Variants in CNTN5 observed in about 807,000 individuals in gnomAD.
The protein encoded by CNTN5 is contactin 5, also known as contactin-5.
A neutral mutation model predicts 129.1 loss-of-function variants in CNTN5; 77 were observed. The ratio of observed to expected loss-of-function variants is 0.60; its 90% CI spans 0.50 to 0.72. CNTN5 has a LOEUF of 0.72. Among genes scored for constraint, CNTN5 ranks in the 30% least tolerant of loss-of-function variants. The pLI is 0.00. For missense variants in CNTN5, 1,478 were observed against 1,328.8 expected (o/e 1.11, Z -1.75); for synonymous variants, 509 against 465.6 (o/e 1.09, Z -1.20).
intron 3 of CNTN5, among the ~76,000 whole-genome samples, chr11:99,757,863 A>G (rs530515471): frequency 6.6e-6 from 1 of 152,210 alleles, no homozygotes; most frequent in African/African-American, 2.4e-5. Flanking sequence ...TAAAGTTTAG[A>G]AATGATATTT....
intron 6 of CNTN5, among the ~76,000 whole-genome samples, chr11:99,891,493 C>T (rs373499821): frequency 6.6e-6 from 1 of 152,000 alleles, no homozygotes; most frequent in East Asian, 1.9e-4. Flanking sequence ...CCCCCACCCC[C>T]CAACAGGCCC....
At chr11:99,032,612 T>C (rs1255690564) in intron 1 of CNTN5, among the ~76,000 whole-genome samples, 1 of 151,980 alleles carries the variant, frequency 6.6e-6, no homozygotes, top group Non-Finnish European at 1.5e-5. Flanking sequence ...TTTGATGGGG[T>C]TGTTTGTTTT....
intron 3 of CNTN5, among the ~76,000 whole-genome samples, chr11:99,750,286 T>C (rs1470001602): frequency 6.6e-6 from 1 of 152,194 alleles, no homozygotes; most frequent in Non-Finnish European, 1.5e-5. Flanking sequence ...AGATTTAATA[T>C]CTATCTTACC....
At chr11:99,540,552 T>G (rs896402302) in intron 2 of CNTN5, among the ~76,000 whole-genome samples, 2 of 151,962 alleles carry the variant, frequency 1.3e-5, no homozygotes, top group African/African-American at 4.8e-5. Context: ...CACAATAAAG[T>G]GTTAGATTAA....
At position 99,844,912 on chromosome 11, in the gene CNTN5, A is replaced by G. The variant is rs1256286853; in HGVS notation, c.338A>G (p.Asp113Gly). The change falls in exon 5 of 25, where the codon GAT becomes GGT. Residue 113 changes from aspartate to glycine, a missense_variant. Transcript: ENST00000524871. ...QEPDDIIFPT[D>G]SDEKKVALNC... ...CCAGATGATATTATTTTTCCAACTG[A>G]TTCTGATGAAAAGAAGGTAGCATTG... 2 of 1,613,668 alleles carry G rather than the reference A, an allele frequency of 1.2e-6. No individual in the cohort carries two copies. Among genetic ancestry groups the G allele is most frequent in the Admixed American group, 1.7e-5 (1 of 60,004 alleles).
At chr11:99,686,870 C>T (rs747086340) in intron 3 of CNTN5, among the ~76,000 whole-genome samples, 3 of 152,084 alleles carry the variant, frequency 2.0e-5, no homozygotes, top group Admixed American at 2.0e-4. Context: ...GAGATGTGAA[C>T]CTTTATTTTG....
At chr11:99,621,966 A>G (rs1234786668) in intron 3 of CNTN5, among the ~76,000 whole-genome samples, 1 of 152,176 alleles carries the variant, frequency 6.6e-6, no homozygotes, top group African/African-American at 2.4e-5. Context: ...AGCTGACTGA[A>G]TTCTCTAACA....
At chr11:99,790,249 G>A (rs1005630701) in intron 3 of CNTN5, among the ~76,000 whole-genome samples, 8 of 152,110 alleles carry the variant, frequency 5.3e-5, no homozygotes, top group Admixed American at 3.9e-4. Flanking sequence ...GTGTTTCATA[G>A]GAGTTTGGTT....
chr11:100,185,845 G>T (rs1485057140), intron 13 of CNTN5, among the ~76,000 whole-genome samples: 2 of 152,146 alleles, frequency 1.3e-5, no homozygotes, highest in African/African-American at 2.4e-5. Context: ...AAGACAGACA[G>T]CCCTTACCCA....
At chr11:100,292,378 A>G (rs1951007584) in intron 18 of CNTN5, among the ~76,000 whole-genome samples, 1 of 151,962 alleles carries the variant, frequency 6.6e-6, no homozygotes, top group South Asian at 2.1e-4. Context: ...ACCCTATTCA[A>G]ACCTATCTTC....
At chr11:99,601,745 T>C (rs1052356635) in intron 3 of CNTN5, among the ~76,000 whole-genome samples, 4 of 152,330 alleles carry the variant, frequency 2.6e-5, no homozygotes, top group Admixed American at 2.6e-4. Flanking sequence ...CCCAGTAGGA[T>C]ACTGGCTTCC....
intron 2 of CNTN5, among the ~76,000 whole-genome samples, chr11:99,403,396 A>C (rs1277396676): frequency 6.6e-6 from 1 of 151,530 alleles, no homozygotes; most frequent in East Asian, 1.9e-4. Context: ...TTCTTCTACA[A>C]ATTTTGGGTG....
chr11:99,345,611 G>C (rs529767706), intron 2 of CNTN5, among the ~76,000 whole-genome samples: 4 of 152,144 alleles, frequency 2.6e-5, no homozygotes, highest in African/African-American at 9.7e-5. Flanking sequence ...AATAGCTCAA[G>C]ATCAAGATTT....
chr11:99,574,568 C>G (rs1204120170), intron 3 of CNTN5, among the ~76,000 whole-genome samples: 1 of 152,198 alleles, frequency 6.6e-6, no homozygotes, highest in Non-Finnish European at 1.5e-5. Flanking sequence ...TCTCCAGCAT[C>G]TGGTGTTTCT....
intron 3 of CNTN5, among the ~76,000 whole-genome samples, chr11:99,695,953 A>G (rs1398565323): frequency 6.6e-6 from 1 of 151,152 alleles, no homozygotes; most frequent in East Asian, 1.9e-4. Context: ...GTTTTAAAAT[A>G]ATACTTGTAT....
chr11:99,826,383 G>T (rs1048115296), intron 4 of CNTN5, among the ~76,000 whole-genome samples: 3 of 152,054 alleles, frequency 2.0e-5, no homozygotes, highest in Non-Finnish European at 2.9e-5. Flanking sequence ...TTTCATCTTT[G>T]CAAGTCCACA....
chr11:99,068,022 C>T (rs1196905967), intron 1 of CNTN5, among the ~76,000 whole-genome samples: 1 of 152,084 alleles, frequency 6.6e-6, no homozygotes, highest in Non-Finnish European at 1.5e-5. Context: ...GCATTATTCT[C>T]CTTCTTGCCA....
At chr11:99,552,327 G>A (rs1275189330) in intron 2 of CNTN5, among the ~76,000 whole-genome samples, 1 of 151,552 alleles carries the variant, frequency 6.6e-6, no homozygotes, top group Non-Finnish European at 1.5e-5. Flanking sequence ...GGTGGTCACT[G>A]TTCTAGATGC....
rs140607112 is a variant in CNTN5, at chr11:99,436,231, G to A, written c.-71+110747G>A. On this transcript the variant is annotated intron_variant, in intron 2 of 24. Transcript: ENST00000524871. ...CTGTCTTGGGCACTGTCATTAGCAC[G>A]TTACAAACGTTATTTTAATTACTCC... 1.7e-3 allele frequency among the ~76,000 whole-genome samples: 262 copies of A among 152,200 alleles called. 1 individual carries two copies. Among genetic ancestry groups the A allele is most frequent in the African/African-American group, 5.9e-3 (243 of 41,526 alleles).
Sources: gnomAD v4.1 joint callset for allele counts (sites outside exome capture counted in the v4.1 genomes callset) on GRCh38, gnomAD v4.1.1 for gene constraint, MANE v1.5 for transcripts, NCBI Gene and HGNC (gene_info 2026-07-23, HGNC 2026-07-21) for gene names.